TELO2: variants seen among roughly 807,000 people sequenced by gnomAD.
The protein encoded by TELO2 is telomere maintenance 2.
In TELO2, 71 loss-of-function variants were observed where a neutral mutation model predicts 91.0. The observed-to-expected ratio is 0.78, with a 90% CI of 0.64 to 0.95. The LOEUF (loss-of-function observed/expected upper bound fraction) is 0.95, where lower values mean the gene tolerates loss of function less well. Among genes scored for constraint, TELO2 ranks in the 40% least tolerant of loss-of-function variants. The probability of loss-of-function intolerance (pLI) is 0.00; values close to 1 mark genes in which losing one functional copy is unlikely to be tolerated. For synonymous variants in TELO2, 584 were observed against 518.9 expected (o/e 1.13, Z -1.71); for missense variants, 1,183 against 1,141.3 (o/e 1.04, Z -0.53).
intron 20 of TELO2, among the ~76,000 whole-genome samples, chr16:1,509,126 G>A (rs907763480): frequency 3.3e-5 from 5 of 152,172 alleles, no homozygotes; most frequent in African/African-American, 7.2e-5. Context: ...CAGAGACTCG[G>A]TACCTGCGAC....
Position 1,495,504 on chromosome 16 carries a change from A to G in TELO2, c.494A>G (p.Asp165Gly), listed in dbSNP as rs2039451567. 1.9e-6 allele frequency: 3 copies of G among 1,611,090 alleles called. No individual in the cohort carries two copies. Among genetic ancestry groups the G allele is most frequent in the East Asian group, 2.2e-5 (1 of 44,852 alleles). Reference sequence around the variant, plus strand: ...CTGGGCAAGGTGGTGGCCCTGCCCGATCACCTGGGCAACCGCCTGCAGCAG... The same window carrying G: ...CTGGGCAAGGTGGTGGCCCTGCCCGGTCACCTGGGCAACCGCCTGCAGCAG... ...TLLGKVVALP[D>G]HLGNRLQQEN... is the part of the protein sequence containing the mutation. The change falls in exon 3 of 21, where the codon GAT becomes GGT. Residue 165 changes from aspartate (D) to glycine (G), a missense_variant. Physicochemically the swap from Asp to Gly is moderately conservative, Grantham distance 94. Coordinates refer to ENST00000262319, the MANE Select transcript of TELO2 (RefSeq NM_016111.4).
intron 17 of TELO2, 179 bp downstream of exon 17, chr16:1,506,508 T>C: frequency 6.9e-7 from 1 of 1,453,774 alleles, no homozygotes; most frequent in Non-Finnish European, 9.1e-7. Flanking sequence ...GATTCCTCTG[T>C]GGTTGAGCTT....
rs368320042 is a variant in TELO2, at chr16:1,502,923, G to A, written c.1771-8G>A. The A allele has an allele frequency of 1.6e-5, 25 of 1,610,564 alleles. No homozygotes were observed. Among genetic ancestry groups the A allele is most frequent in the Non-Finnish European group, 2.1e-5 (25 of 1,179,996 alleles). On this transcript the variant is annotated splice_region_variant and splice_polypyrimidine_tract_variant and intron_variant, in intron 14 of 20. Coordinates refer to ENST00000262319, the MANE Select transcript of TELO2 (RefSeq NM_016111.4). ...CGGACCACAGCAGCCTCTCCCCTGT[G>A]TCCTCAGGTGGCCGACTATCTGACC... is the stretch of plus-strand genomic sequence containing the variant.
intron 6 of TELO2, 117 bp downstream of exon 6, chr16:1,499,450 G>A: frequency 1.7e-6 from 2 of 1,181,090 alleles, no homozygotes; most frequent in Non-Finnish European, 2.5e-6. Flanking sequence ...TGATTTGGCA[G>A]TGGCTGGCAG....
chr16:1,502,941 A>G lies in TELO2; in HGVS notation c.1781A>G (p.Tyr594Cys), dbSNP rs1486905553. 5 of 1,611,172 alleles carry G rather than the reference A, an allele frequency of 3.1e-6. No individual in the cohort carries two copies. Among genetic ancestry groups the G allele is most frequent in the East Asian group, 2.2e-5 (1 of 44,890 alleles). The change falls in exon 15 of 21, where the codon TAT becomes TGT. Residue 594 changes from tyrosine to cysteine, a missense_variant. Coordinates refer to ENST00000262319, the MANE Select transcript of TELO2 (RefSeq NM_016111.4). The stretch of plus-strand genomic sequence containing the variant: ...CCCCTGTGTCCTCAGGTGGCCGACT[A>G]TCTGACCTCACAGTTCTATGCCCTC... Reference protein sequence around the residue: ...TVTDPAPVADYLTSQFYALNY... With the variant: ...TVTDPAPVADCLTSQFYALNY...
rs2039708986 is a variant in TELO2, at chr16:1,502,083, C to T, written c.1509C>T (p.Asp503=). ...TTGTCCCCTACGACATGTCGGGGGACAGAGAGCTGAAGAGCAGCAAGGCTC... is the reference window on the plus strand; with the variant it reads ...TTGTCCCCTACGACATGTCGGGGGATAGAGAGCTGAAGAGCAGCAAGGCTC... ...DEFVPYDMSG[D]RELKSSKAPA... Residue 503 remains aspartate, a synonymous_variant, in exon 12 of 21, where the codon GAC becomes GAT. Transcript: ENST00000262319. 1 of 1,613,140 alleles carries T rather than the reference C, an allele frequency of 6.2e-7. No homozygotes were observed. The highest frequency in any genetic ancestry group is 8.5e-7 in the Non-Finnish European group (1 of 1,179,908).
rs2039549931 is a variant in TELO2, at chr16:1,497,856, C to T, written c.830+348C>T. 6.6e-6 allele frequency among the ~76,000 whole-genome samples: 1 copy of T among 152,124 alleles called. No homozygotes were observed. The highest frequency in any genetic ancestry group is 1.5e-5 in the Non-Finnish European group (1 of 68,028). The stretch of plus-strand genomic sequence containing the variant: ...GGTGATGGGCGGTGACTCACTTCCC[C>T]ACGTCTTTGTGCAGGAGAATCAAGG... On this transcript the variant is annotated intron_variant, in intron 5 of 20. Coordinates refer to ENST00000262319, the MANE Select transcript of TELO2 (RefSeq NM_016111.4). This position sits in a 1 kb window ranked among gnomAD's most constrained non-coding sequence, Gnocchi z 4.0.
Position 1,501,731 on chromosome 16 carries a change from TC to T in TELO2, c.1435del (p.Gln479LysfsTer28), listed in dbSNP as rs1297643434. The part of the protein sequence containing the change: ...ETPAEIVDGG[V>X]PQAQLAGSDS... The stretch of plus-strand genomic sequence containing the variant: ...CCCGCAGAGATCGTGGATGGCGGCG[TC>T]CCCCAAGCACAGCTGGCGGGCTCTG... On this transcript the variant is annotated frameshift_variant, in exon 11 of 21. Transcript: ENST00000262319. LOFTEE classifies it high-confidence loss of function. The T allele has an allele frequency of 1.2e-6, 2 of 1,611,334 alleles. No individual in the cohort carries two copies. Among genetic ancestry groups the T allele is most frequent in the Non-Finnish European group, 1.7e-6 (2 of 1,179,826 alleles).
chr16:1,494,273 T>C lies in TELO2; in HGVS notation c.-9T>C. On this transcript the variant is annotated 5_prime_UTR_variant, in exon 2 of 21. Transcript: ENST00000262319. This position sits in a 1 kb window ranked among gnomAD's most constrained non-coding sequence, Gnocchi z 5.6. Reference sequence around the variant, plus strand: ...CGTCTTCCCGTGACGCCCAGATCTGTCCTGCAGGATGGAGCCAGCACCCTC... The same window carrying C: ...CGTCTTCCCGTGACGCCCAGATCTGCCCTGCAGGATGGAGCCAGCACCCTC... 6.2e-7 allele frequency: 1 copy of C among 1,610,480 alleles called. No homozygotes were observed.
In TELO2 at chr16:1,497,579, C is replaced by T. The variant is rs2039539774; in HGVS notation, c.830+71C>T. 2 of 1,478,778 alleles carry T rather than the reference C, an allele frequency of 1.4e-6. No individual in the cohort carries two copies. Among genetic ancestry groups the T allele is most frequent in the South Asian group, 1.3e-5 (1 of 76,690 alleles). The allele number at this position is 1,478,778 out of a possible 1,614,324, so 91.6% of individuals were successfully genotyped here. On this transcript the variant is annotated intron_variant, in intron 5 of 20. Transcript: ENST00000262319. This position sits in a 1 kb window ranked among gnomAD's most constrained non-coding sequence, Gnocchi z 4.0. ...GGACCCCCAGAGGCTGCCATTCCTT[C>T]ACGCTACTTCTCCTGGGCGCCGTGC...
At chr16:1,509,770 G>A in intron 20 of TELO2, 60 bp from the exon 21 acceptor site, 4 of 1,479,932 alleles carry the variant, frequency 2.7e-6, no homozygotes, top group East Asian at 4.9e-5. Flanking sequence ...CTGAAGACAG[G>A]AGGAGGGAGA....
chr16:1,501,542 T>TA (rs1567299884), intron 10 of TELO2, 43 bp downstream of exon 10: 2 of 1,582,428 alleles, frequency 1.3e-6, no homozygotes. Flanking sequence ...GTGCACATCT[T>TA]ACTGCTCTGG....
Position 1,510,008 on chromosome 16 carries a change from A to T in TELO2, c.*72A>T. On this transcript the variant is annotated 3_prime_UTR_variant, in exon 21 of 21. Coordinates refer to ENST00000262319, the MANE Select transcript of TELO2 (RefSeq NM_016111.4). ...CGGCTGAGCAGCGGCCTGGAGCAGC[A>T]GAGCCAGGCTTTGTAGCGAGGCCAG... The T allele has an allele frequency of 7.3e-7, 1 of 1,374,414 alleles. No individual in the cohort carries two copies. Among genetic ancestry groups the T allele is most frequent in the Non-Finnish European group, 1.0e-6 (1 of 995,600 alleles). 85.1% of individuals were successfully genotyped at this position (1,374,414 alleles called of 1,614,324 possible). A position where few individuals can be genotyped will look rare whatever the true frequency, so the allele number is the denominator to read the frequency against.
rs1250321225 is a variant in TELO2 at position 1,505,933 on chromosome 16, T to C, written c.2035-305T>C. On this transcript the variant is annotated intron_variant, in intron 16 of 20. Transcript: ENST00000262319. The surrounding 1 kb of genome is among the most constrained non-coding windows in gnomAD (Gnocchi z 4.3). ...AGATGTTTTTGGTTGTCACTAGGGG[T>C]GGGTTGGAGGCCACGGAGGCATCCT... Among the ~76,000 whole-genome samples, 3 of 151,968 alleles carry C rather than the reference T, an allele frequency of 2.0e-5. No individual in the cohort carries two copies. The highest frequency in any genetic ancestry group is 4.4e-5 in the Non-Finnish European group (3 of 67,980).
Position 1,505,469 on chromosome 16 carries a change from A to T in TELO2, c.1902A>T (p.Gln634His). The change falls in exon 16 of 21, where the codon CAA becomes CAT. Residue 634 changes from glutamine (Q) to histidine (H), a missense_variant. Gln to His is a conservative substitution (Grantham distance 24, BLOSUM62 0). Transcript: ENST00000262319. The surrounding 1 kb of genome is among the most constrained non-coding windows in gnomAD (Gnocchi z 4.3). ...SRPGCLGRTP[Q>H]PGSPSPNTPC... ...CTGGGTGCCTCGGGAGGACTCCCCA[A>T]CCTGGCTCCCCAAGTCCCAACACCC... The T allele has an allele frequency of 6.2e-7, 1 of 1,613,062 alleles. No individual in the cohort carries two copies. The highest frequency in any genetic ancestry group is 8.5e-7 in the Non-Finnish European group (1 of 1,179,990).
rs996578578 is a variant in TELO2, at chr16:1,505,727, C to T, written c.2034+126C>T. The T allele has an allele frequency of 2.4e-6, 3 of 1,237,916 alleles. No homozygotes were observed. In the South Asian group the frequency reaches 4.5e-5, roughly 18 times the overall value. 76.7% of individuals were successfully genotyped at this position (1,237,916 alleles called of 1,614,324 possible). On this transcript the variant is annotated intron_variant, in intron 16 of 20. Coordinates refer to ENST00000262319, the MANE Select transcript of TELO2 (RefSeq NM_016111.4). The surrounding 1 kb of genome is among the most constrained non-coding windows in gnomAD (Gnocchi z 4.3). ...ACATTCGCTGGGGATGGTGCCTTTGCCGGGATTCCTGAAAGGCAGGGTCCA... is the reference window on the plus strand; with the variant it reads ...ACATTCGCTGGGGATGGTGCCTTTGTCGGGATTCCTGAAAGGCAGGGTCCA...
chr16:1,494,263 C>A lies in TELO2; in HGVS notation c.-19C>A. On this transcript the variant is annotated 5_prime_UTR_variant, in exon 2 of 21. Coordinates refer to ENST00000262319, the MANE Select transcript of TELO2 (RefSeq NM_016111.4). The surrounding 1 kb of genome is among the most constrained non-coding windows in gnomAD (Gnocchi z 5.6). Reference sequence around the variant, plus strand: ...TGTCACAGGTCGTCTTCCCGTGACGCCCAGATCTGTCCTGCAGGATGGAGC... The same window carrying A: ...TGTCACAGGTCGTCTTCCCGTGACGACCAGATCTGTCCTGCAGGATGGAGC... 6.2e-7 allele frequency: 1 copy of A among 1,601,598 alleles called. No individual in the cohort carries two copies. The highest frequency in any genetic ancestry group is 8.5e-7 in the Non-Finnish European group (1 of 1,171,124).
In TELO2 at chr16:1,501,467, C is replaced by G. The variant is rs541069927; in HGVS notation, c.1329C>G (p.Pro443=). 1.7e-5 allele frequency: 27 copies of G among 1,611,782 alleles called. No individual in the cohort carries two copies. The highest frequency in any genetic ancestry group is 1.7e-4 in the Middle Eastern group (1 of 6,050). ...LSLELLALAS[P]QPAGDGASEA... Reference sequence around the variant, plus strand: ...TCGAGCTGCTGGCCTTGGCCTCCCCCCAGCCTGCGGGTGACGGCGCCTCGG... The same window carrying G: ...TCGAGCTGCTGGCCTTGGCCTCCCCGCAGCCTGCGGGTGACGGCGCCTCGG... Residue 443 remains proline (P), a synonymous_variant, in exon 10 of 21, where the codon CCC becomes CCG. Transcript: ENST00000262319.
In TELO2 at chr16:1,497,006, T is replaced by C. The variant is rs1567294139; in HGVS notation, c.614-30T>C. The C allele has an allele frequency of 1.9e-6, 3 of 1,611,014 alleles. No individual in the cohort carries two copies. The highest frequency in any genetic ancestry group is 2.2e-5 in the South Asian group (2 of 90,736). ...TGTTCTTTTGTGCCTTCCCGCCGGC[T>C]TCCTCATCAGGCCTCCCTTTCTGTC... On this transcript the variant is annotated intron_variant, in intron 3 of 20. Coordinates refer to ENST00000262319, the MANE Select transcript of TELO2 (RefSeq NM_016111.4). The surrounding 1 kb of genome is among the most constrained non-coding windows in gnomAD (Gnocchi z 4.0).
Sources: gnomAD v4.1 joint callset for allele counts (sites outside exome capture counted in the v4.1 genomes callset) on GRCh38, gnomAD v4.1.1 for gene constraint, Gnocchi (gnomAD v3.1) non-coding constraint, MANE v1.5 for transcripts, NCBI Gene and HGNC (gene_info 2026-07-23, HGNC 2026-07-21) for gene names.